PPIG: variants seen among roughly 807,000 people sequenced by gnomAD.
PPIG encodes peptidylprolyl isomerase G, also known as peptidyl-prolyl cis-trans isomerase G.
In PPIG, 26 loss-of-function variants were observed where a neutral mutation model predicts 87.9. That is an observed-to-expected ratio of 0.30 (90% CI 0.22 to 0.41). The LOEUF (loss-of-function observed/expected upper bound fraction) is 0.41. PPIG is among the 10% of genes least tolerant of loss of function. The pLI is 1.00. For synonymous variants in PPIG, 308 were observed against 276.5 expected, an observed-to-expected ratio of 1.11 and a Z score of -1.13; for missense variants, 722 against 879.4, an observed-to-expected ratio of 0.82 and a Z score of 2.26.
At chr2:169,601,564 A>G (rs13015490) in intron 1 of PPIG, among the ~76,000 whole-genome samples, 18,332 of 152,246 alleles carry the variant, frequency 0.12, 1,367 homozygotes, top group Non-Finnish European at 0.18. Flanking sequence ...ATACTTGAGC[A>G]ACAAAGGGAT....
intron 9 of PPIG, among the ~76,000 whole-genome samples, chr2:169,618,302 G>A (rs555229234): frequency 6.2e-4 from 95 of 152,222 alleles, no homozygotes; most frequent in Non-Finnish European, 1.1e-3. Flanking sequence ...AGGGATATTG[G>A]CCTGAAATTT....
intron 1 of PPIG, among the ~76,000 whole-genome samples, chr2:169,592,231 C>T (rs1159427152): frequency 2.0e-5 from 3 of 147,478 alleles, no homozygotes; most frequent in Non-Finnish European, 4.5e-5. Context: ...TTTCTCTTTA[C>T]TTTTACTTGA....
At chr2:169,587,213 G>A (rs1277189873) in intron 1 of PPIG, among the ~76,000 whole-genome samples, 1 of 151,120 alleles carries the variant, frequency 6.6e-6, no homozygotes, top group Non-Finnish European at 1.5e-5. Flanking sequence ...GATTACAGGC[G>A]TGAGCCACTG....
chr2:169,627,704 C>CTTT lies in PPIG; in HGVS notation c.548-3051_548-3049dup, dbSNP rs777197172. ...GCCATGCCCCTAGCCAGTGGGCTTGCTTTTTTTTTTTTTTTTTTTTTAATT... is the reference window on the plus strand; with the variant it reads ...GCCATGCCCCTAGCCAGTGGGCTTGCTTTTTTTTTTTTTTTTTTTTTTTTAATT... On this transcript the variant is annotated intron_variant, in intron 9 of 13. Transcript: ENST00000260970. 1.5e-4 allele frequency among the ~76,000 whole-genome samples: 15 copies of CTTT among 101,900 alleles called. 1 individual carries two copies. The highest frequency in any genetic ancestry group is 4.0e-4 in the African/African-American group (9 of 22,504). The allele number at this position is 101,900 out of a possible 152,430, so 66.9% of individuals were successfully genotyped here.
At position 169,637,645 on chromosome 2, in the gene PPIG, T is replaced by C; in HGVS notation, c.*122T>C. The C allele has an allele frequency of 9.6e-7, 1 of 1,045,372 alleles. No homozygotes were observed. Among genetic ancestry groups the C allele is most frequent in the Non-Finnish European group, 1.3e-6 (1 of 755,606 alleles). The allele number at this position is 1,045,372 out of a possible 1,614,324, so 64.8% of individuals were successfully genotyped here. Reference sequence around the variant, plus strand: ...TTGGATTGTTTTATGTTTGTCCTTTTTTTTCTTAATGTGGATTTCATTGAG... The same window carrying C: ...TTGGATTGTTTTATGTTTGTCCTTTCTTTTCTTAATGTGGATTTCATTGAG... On this transcript the variant is annotated 3_prime_UTR_variant, in exon 14 of 14. Coordinates refer to ENST00000260970, the MANE Select transcript of PPIG (RefSeq NM_004792.3).
At chr2:169,590,022 T>C (rs534905947) in intron 1 of PPIG, among the ~76,000 whole-genome samples, 3 of 151,654 alleles carry the variant, frequency 2.0e-5, no homozygotes, top group Admixed American at 6.6e-5. Flanking sequence ...GGCAGGAGAA[T>C]CTCTTGAACC....
chr2:169,601,066 A>G (rs894428301), intron 1 of PPIG, among the ~76,000 whole-genome samples: 3 of 152,190 alleles, frequency 2.0e-5, no homozygotes, highest in Non-Finnish European at 4.4e-5. Flanking sequence ...GTATTGTTTT[A>G]TGGTGTTAAA....
At position 169,636,739 on chromosome 2, in the gene PPIG, A is replaced by C. The variant is rs756530497; in HGVS notation, c.1481A>C (p.His494Pro). 2.5e-6 allele frequency: 4 copies of C among 1,612,448 alleles called. No individual in the cohort carries two copies. Among genetic ancestry groups the C allele is most frequent in the Non-Finnish European group, 3.4e-6 (4 of 1,179,724 alleles). Reference protein sequence around the residue: ...RMRSRSKGRDHENVKEKEKQS... With the variant: ...RMRSRSKGRDPENVKEKEKQS... ...AGGTCAAGGAGTAAAGGAAGGGATC[A>C]TGAAAATGTTAAAGAAAAAGAAAAG... Residue 494 changes from histidine to proline, a missense_variant, in exon 14 of 14, where the codon CAT becomes CCT. Around this residue, in one of 4 missense-constraint regions of PPIG, gnomAD observed 476 missense variants for 483.1 expected, o/e 0.99. Transcript: ENST00000260970.
At chr2:169,630,112 T>TAA (rs1685997119) in intron 9 of PPIG, among the ~76,000 whole-genome samples, 1 of 150,824 alleles carries the variant, frequency 6.6e-6, no homozygotes, top group Non-Finnish European at 1.5e-5. Flanking sequence ...GCTTCACTTA[T>TAA]TTATATTAAT....
At chr2:169,627,797 C>T (rs1029302578) in intron 9 of PPIG, among the ~76,000 whole-genome samples, 3 of 147,798 alleles carry the variant, frequency 2.0e-5, no homozygotes, top group South Asian at 2.1e-4. Flanking sequence ...GAAAGAATCT[C>T]AGTGCAAAAT....
chr2:169,588,408 T>C (rs975719565), intron 1 of PPIG, among the ~76,000 whole-genome samples: 5 of 152,178 alleles, frequency 3.3e-5, no homozygotes, highest in Admixed American at 3.3e-4. Context: ...AATCAGAACT[T>C]TTGCTTTTTT....
Position 169,614,500 on chromosome 2 carries a change from ATTATTTTAT to A in PPIG, c.407+16_407+24del, listed in dbSNP as rs745600429. On this transcript the variant is annotated splice_region_variant and intron_variant, in intron 8 of 13. Coordinates refer to ENST00000260970, the MANE Select transcript of PPIG (RefSeq NM_004792.3). ...CAACTCCTCATTTAGATGGGTAAAT[ATTATTTTAT>A]TTATTTTACAACCTGTTTTAAATTA... 1 of 1,561,944 alleles carries A rather than the reference ATTATTTTAT, an allele frequency of 6.4e-7. No individual in the cohort carries two copies. The highest frequency in any genetic ancestry group is 8.7e-7 in the Non-Finnish European group (1 of 1,147,604).
At position 169,641,135 on chromosome 2, in the gene PPIG, C is replaced by T. The variant is rs1007268057; in HGVS notation, c.*3612C>T. On this transcript the variant is annotated 3_prime_UTR_variant, in exon 14 of 14. Transcript: ENST00000260970. ...TATGTGGGATGTACAAAATTGTGGCCGCTCTCTTTGTGGAAGGAAAAAACA... is the reference window on the plus strand; with the variant it reads ...TATGTGGGATGTACAAAATTGTGGCTGCTCTCTTTGTGGAAGGAAAAAACA... 4 of 140,994 alleles carry T rather than the reference C, an allele frequency of 2.8e-5. No homozygotes were observed. The highest frequency in any genetic ancestry group is 5.3e-5 in the African/African-American group (2 of 37,922). The allele number at this position is 140,994 out of a possible 1,614,324, so 8.7% of individuals were successfully genotyped here. A position where few individuals can be genotyped will look rare whatever the true frequency, so the allele number is the denominator to read the frequency against.
intron 1 of PPIG, among the ~76,000 whole-genome samples, chr2:169,592,309 T>TTTC (rs1553543308): frequency 7.4e-6 from 1 of 135,590 alleles, no homozygotes; most frequent in Non-Finnish European, 1.6e-5. Flanking sequence ...TTTTCTTTTT[T>TTTC]TTTTTTTTTT....
At chr2:169,601,701 G>A (rs942831663) in intron 1 of PPIG, among the ~76,000 whole-genome samples, 1 of 152,142 alleles carries the variant, frequency 6.6e-6, no homozygotes, top group Non-Finnish European at 1.5e-5. Context: ...CTGAAATAAA[G>A]TTGAGGAAAA....
At chr2:169,622,711 C>G (rs1442157074) in intron 9 of PPIG, among the ~76,000 whole-genome samples, 27 of 152,208 alleles carry the variant, frequency 1.8e-4, no homozygotes, top group Admixed American at 1.6e-3. Context: ...AGTTTGAAAA[C>G]ACACACTTGG....
At chr2:169,597,406 A>G (rs555270622) in intron 1 of PPIG, among the ~76,000 whole-genome samples, 1 of 151,690 alleles carries the variant, frequency 6.6e-6, no homozygotes, top group Admixed American at 6.6e-5. Flanking sequence ...GAGTCCTCCC[A>G]CCTGATCCTC....
chr2:169,631,630 C>T, intron 10 of PPIG, 136 bp from the exon 11 acceptor site: 3 of 1,452,824 alleles, frequency 2.1e-6, no homozygotes, highest in South Asian at 3.1e-5. Flanking sequence ...AGATTTTTCC[C>T]ATGCGATCAC....
intron 1 of PPIG, among the ~76,000 whole-genome samples, chr2:169,594,821 TTTCACCATG>T (rs1204660297): frequency 2.0e-5 from 3 of 151,990 alleles, no homozygotes; most frequent in African/African-American, 7.3e-5. Context: ...GGAGACGGAA[TTTCACCATG>T]TTGGGCTGGC....
Sources: allele counts gnomAD v4.1 joint callset (sites outside exome capture counted in the v4.1 genomes callset), GRCh38; gene constraint gnomAD v4.1.1; regional missense constraint gnomAD v4.1.1; transcripts MANE v1.5; gene names NCBI Gene and HGNC (gene_info 2026-07-23, HGNC 2026-07-21).